PDSS2: variants seen among roughly 807,000 people sequenced by gnomAD.
PDSS2 encodes the protein decaprenyl diphosphate synthase subunit 2.
PDSS2 carries 31 observed loss-of-function variants against 44.5 expected under a neutral mutation model. The observed-to-expected ratio is 0.70, with a 90% CI of 0.52 to 0.94. PDSS2 has a LOEUF of 0.94. Ranked by LOEUF, PDSS2 falls within the 40% of genes least tolerant of loss-of-function variation. PDSS2 has a pLI of 0.00. For synonymous variants in PDSS2, 157 were observed against 180.3 expected (o/e 0.87, Z 1.03); for missense variants, 452 against 482.2 (o/e 0.94, Z 0.59).
Position 107,256,107 on chromosome 6 carries a change from C to T in PDSS2, c.631-10488G>A, listed in dbSNP as rs150533088. 9.9e-3 allele frequency among the ~76,000 whole-genome samples: 1,509 copies of T among 152,282 alleles called. 30 individuals carry two copies. Among genetic ancestry groups the T allele is most frequent in the African/African-American group, 0.035 (1,443 of 41,554 alleles). ...CCAGGTTCAAGCAATTCTCCTGTTT[C>T]AGCCTCCCGAGTAGCTGGGGCTACA... On this transcript the variant is annotated intron_variant, in intron 3 of 7. Coordinates refer to ENST00000369037, the MANE Select transcript of PDSS2 (RefSeq NM_020381.4).
intron 2 of PDSS2, among the ~76,000 whole-genome samples, chr6:107,305,134 A>G (rs1661561076): frequency 1.3e-5 from 2 of 151,960 alleles, no homozygotes; most frequent in African/African-American, 4.8e-5. Flanking sequence ...ACTCCCAGAC[A>G]ATGCTTCTAC....
At chr6:107,248,533 AAAAAG>A (rs1039586762) in intron 3 of PDSS2, among the ~76,000 whole-genome samples, 1 of 151,734 alleles carries the variant, frequency 6.6e-6, no homozygotes, top group African/African-American at 2.4e-5. Flanking sequence ...AAAAAAAAAA[AAAAAG>A]CAGAATACTA....
At chr6:107,347,522 C>T (rs1778291502) in intron 1 of PDSS2, among the ~76,000 whole-genome samples, 1 of 152,024 alleles carries the variant, frequency 6.6e-6, no homozygotes, top group Non-Finnish European at 1.5e-5. Flanking sequence ...CTCGGCCTCC[C>T]AAAGTGCTGA....
chr6:107,383,342 T>C (rs1016067483), intron 1 of PDSS2, among the ~76,000 whole-genome samples: 2 of 131,778 alleles, frequency 1.5e-5, no homozygotes, highest in Admixed American at 7.5e-5. Context: ...TCAAAATAGA[T>C]CATAGATCTA....
chr6:107,224,357 G>A (rs548342365), intron 4 of PDSS2, among the ~76,000 whole-genome samples: 3 of 151,494 alleles, frequency 2.0e-5, no homozygotes, highest in African/African-American at 7.3e-5. Context: ...TAAGAGATAT[G>A]AGGGAAATCC....
chr6:107,376,112 T>C (rs908070718), intron 1 of PDSS2, among the ~76,000 whole-genome samples: 1 of 152,174 alleles, frequency 6.6e-6, no homozygotes, highest in Non-Finnish European at 1.5e-5. Context: ...TTCTGTTCCA[T>C]TGATTTATAT....
chr6:107,457,727 A>G (rs1462935230), intron 1 of PDSS2, among the ~76,000 whole-genome samples: 1 of 152,226 alleles, frequency 6.6e-6, no homozygotes, highest in Non-Finnish European at 1.5e-5. Flanking sequence ...ACTAAACGCA[A>G]TACTTGATCC....
At chr6:107,387,219 AGATTG>A (rs1422118835) in intron 1 of PDSS2, among the ~76,000 whole-genome samples, 1 of 152,208 alleles carries the variant, frequency 6.6e-6, no homozygotes, top group African/African-American at 2.4e-5. Flanking sequence ...AAGACCAGAA[AGATTG>A]GTTGACTGTT....
At chr6:107,399,086 C>T (rs1365677573) in intron 1 of PDSS2, among the ~76,000 whole-genome samples, 1 of 152,172 alleles carries the variant, frequency 6.6e-6, no homozygotes, top group African/African-American at 2.4e-5. Flanking sequence ...ACAATCTTCC[C>T]AGCATTGTAT....
At chr6:107,415,774 T>C (rs1024095184) in intron 1 of PDSS2, among the ~76,000 whole-genome samples, 5 of 152,176 alleles carry the variant, frequency 3.3e-5, no homozygotes, top group African/African-American at 1.2e-4. Flanking sequence ...AATTACTCTG[T>C]GGAAGTAGTG....
intron 2 of PDSS2, among the ~76,000 whole-genome samples, chr6:107,295,857 C>G (rs1027496482): frequency 1.3e-5 from 2 of 152,046 alleles, no homozygotes; most frequent in Non-Finnish European, 2.9e-5. Flanking sequence ...AAAAAAATGA[C>G]AACAGGTACA....
intron 2 of PDSS2, among the ~76,000 whole-genome samples, chr6:107,316,861 G>T (rs1236720739): frequency 1.3e-5 from 2 of 152,078 alleles, no homozygotes; most frequent in East Asian, 3.9e-4. Context: ...TTGTATAAAT[G>T]GTTGCAGTAT....
intron 2 of PDSS2, among the ~76,000 whole-genome samples, chr6:107,305,675 T>G (rs1010047994): frequency 6.6e-6 from 1 of 152,240 alleles, no homozygotes; most frequent in Non-Finnish European, 1.5e-5. Context: ...TATTCCTAAT[T>G]ACACCAATTA....
intron 1 of PDSS2, among the ~76,000 whole-genome samples, chr6:107,400,787 T>A (rs1206238449): frequency 1.3e-5 from 2 of 152,168 alleles, no homozygotes. Flanking sequence ...TGTTTGCACC[T>A]GCCATTGGAG....
intron 7 of PDSS2, among the ~76,000 whole-genome samples, chr6:107,169,271 G>A (rs371152174): frequency 2.0e-5 from 3 of 151,762 alleles, no homozygotes; most frequent in African/African-American, 4.8e-5. Context: ...TGATCGAGTC[G>A]GCTACTGAAG....
chr6:107,445,152 G>A (rs1329703883), intron 1 of PDSS2, among the ~76,000 whole-genome samples: 3 of 151,136 alleles, frequency 2.0e-5, no homozygotes, highest in Non-Finnish European at 2.9e-5. Context: ...TTTAAGTAAC[G>A]AAAATTTATA....
chr6:107,330,080 T>C (rs1195704532), intron 2 of PDSS2, among the ~76,000 whole-genome samples: 1 of 151,510 alleles, frequency 6.6e-6, no homozygotes, highest in Non-Finnish European at 1.5e-5. Context: ...GCTTAACAAA[T>C]AGATTTTTCT....
chr6:107,329,585 A>T (rs1777650307), intron 2 of PDSS2, among the ~76,000 whole-genome samples: 1 of 152,014 alleles, frequency 6.6e-6, no homozygotes, highest in African/African-American at 2.4e-5. Flanking sequence ...TATTCTAATG[A>T]CCTCATTTTG....
At chr6:107,330,194 C>T (rs1172620220) in intron 2 of PDSS2, among the ~76,000 whole-genome samples, 2 of 152,132 alleles carry the variant, frequency 1.3e-5, no homozygotes, top group Admixed American at 6.5e-5. Flanking sequence ...GGTCACTTCC[C>T]AGATCATCTG....
Sources: gnomAD v4.1 joint callset for allele counts (sites outside exome capture counted in the v4.1 genomes callset) on GRCh38, gnomAD v4.1.1 for gene constraint, MANE v1.5 for transcripts, NCBI Gene and HGNC (gene_info 2026-07-23, HGNC 2026-07-21) for gene names.